MORC1: variants seen among roughly 807,000 people sequenced by gnomAD.
MORC1 encodes MORC family CW-type zinc finger protein 1.
In MORC1, 59 loss-of-function variants were observed where a neutral mutation model predicts 134.9. The observed-to-expected ratio is 0.44, with a 90% confidence interval of 0.35 to 0.54. The LOEUF (loss-of-function observed/expected upper bound fraction) is 0.54. Ranked by LOEUF, MORC1 falls within the 20% of genes least tolerant of loss-of-function variation. The pLI, the probability that MORC1 is intolerant of heterozygous loss-of-function variation, is 0.00. For missense variants in MORC1, 947 were observed against 1,134.5 expected, an observed-to-expected ratio of 0.83 and a Z score of 2.37; for synonymous variants, 395 against 391.7, an observed-to-expected ratio of 1.01 and a Z score of -0.10.
At chr3:108,997,059 A>C (rs1230899398) in intron 21 of MORC1, among the ~76,000 whole-genome samples, 4 of 151,546 alleles carry the variant, frequency 2.6e-5, no homozygotes, top group African/African-American at 9.7e-5. Context: ...AATACCAACA[A>C]AGAATATGAG....
At chr3:108,994,530 A>C (rs752295506) in intron 21 of MORC1, among the ~76,000 whole-genome samples, 4 of 152,318 alleles carry the variant, frequency 2.6e-5, no homozygotes, top group Non-Finnish European at 4.4e-5. Flanking sequence ...TAGTAACTGA[A>C]AGATTATTAT....
At chr3:109,081,711 C>A (rs772730847) in intron 8 of MORC1, among the ~76,000 whole-genome samples, 4 of 152,178 alleles carry the variant, frequency 2.6e-5, no homozygotes, top group Non-Finnish European at 5.9e-5. Context: ...CCTCGGCCTC[C>A]CAAAGTGCTG....
chr3:109,039,116 A>AT (rs1949451122), intron 14 of MORC1, among the ~76,000 whole-genome samples: 1 of 152,078 alleles, frequency 6.6e-6, no homozygotes, highest in Admixed American at 6.6e-5. Context: ...GGACTTCACC[A>AT]TGTTGGCCAG....
rs148987653 is a variant in MORC1, at chr3:109,017,960, A to G, written c.1704+9791T>C. ...ATGAACTGTCTCTGGAAGTAGAAAC[A>G]CTGAAGAATCCTTAAACCAGGAATA... On this transcript the variant is annotated intron_variant, in intron 17 of 27. Coordinates refer to ENST00000232603, the MANE Select transcript of MORC1 (RefSeq NM_014429.4). 9.9e-4 allele frequency among the ~76,000 whole-genome samples: 151 copies of G among 152,346 alleles called. 1 individual carries two copies. The highest frequency in any genetic ancestry group is 2.1e-3 in the Non-Finnish European group (143 of 68,022).
intron 8 of MORC1, among the ~76,000 whole-genome samples, chr3:109,085,617 G>A (rs1950602666): frequency 6.6e-6 from 1 of 151,662 alleles, no homozygotes; most frequent in African/African-American, 2.4e-5. Context: ...AATGGATACT[G>A]GTGAGGATGT....
intron 21 of MORC1, among the ~76,000 whole-genome samples, chr3:108,993,289 C>A (rs1187929392): frequency 3.3e-5 from 5 of 152,132 alleles, no homozygotes; most frequent in Non-Finnish European, 7.4e-5. Context: ...TTAATTGGCT[C>A]GTGGTTGCTG....
chr3:109,083,900 G>A (rs1002966659), intron 8 of MORC1, among the ~76,000 whole-genome samples: 1 of 151,948 alleles, frequency 6.6e-6, no homozygotes, highest in African/African-American at 2.4e-5. Context: ...ACAGAATCAA[G>A]GAGAAAACCC....
At chr3:109,070,469 T>C (rs1029677211) in intron 8 of MORC1, among the ~76,000 whole-genome samples, 3 of 152,184 alleles carry the variant, frequency 2.0e-5, no homozygotes, top group East Asian at 1.9e-4. Context: ...GGAACTTCTA[T>C]ATTAAAGTCC....
In MORC1 at chr3:109,054,886, A is replaced by G. The variant is rs1440951149; in HGVS notation, c.1176-4T>C. On this transcript the variant is annotated splice_region_variant and splice_polypyrimidine_tract_variant and intron_variant, in intron 13 of 27. Transcript: ENST00000232603. ...TCCAACCACGCCTGCGCCAAGTCTG[A>G]GAAAATATATGCATATTTAAATTTT... The G allele has an allele frequency of 1.9e-5, 31 of 1,593,904 alleles. No individual in the cohort carries two copies. The highest frequency in any genetic ancestry group is 2.5e-5 in the Non-Finnish European group (29 of 1,175,214).
intron 14 of MORC1, among the ~76,000 whole-genome samples, chr3:109,042,423 C>T (rs912726940): frequency 6.6e-6 from 1 of 152,158 alleles, no homozygotes; most frequent in African/African-American, 2.4e-5. Context: ...TTACCAAAGA[C>T]ATGAAAGGTA....
At chr3:109,095,625 C>T (rs970862258) in intron 6 of MORC1, among the ~76,000 whole-genome samples, 5 of 152,134 alleles carry the variant, frequency 3.3e-5, no homozygotes, top group African/African-American at 4.8e-5. Context: ...GGAAGACATA[C>T]CAGGCACTGC....
intron 21 of MORC1, among the ~76,000 whole-genome samples, chr3:108,995,565 C>A (rs1055341977): frequency 6.6e-6 from 1 of 152,202 alleles, no homozygotes; most frequent in African/African-American, 2.4e-5. Context: ...GAGTGATAAT[C>A]TTGGACAAGA....
At chr3:109,000,221 G>A (rs1057131852) in intron 21 of MORC1, among the ~76,000 whole-genome samples, 6 of 152,110 alleles carry the variant, frequency 3.9e-5, no homozygotes, top group East Asian at 3.9e-4. Flanking sequence ...CATATTCTTC[G>A]GATTTGGGAA....
chr3:109,100,031 G>A (rs888590778), intron 5 of MORC1, among the ~76,000 whole-genome samples: 5 of 152,082 alleles, frequency 3.3e-5, no homozygotes, highest in African/African-American at 1.2e-4. Context: ...ATTACTTGAG[G>A]TCAGGAGTTC....
intron 8 of MORC1, among the ~76,000 whole-genome samples, chr3:109,085,253 A>G (rs1950595993): frequency 6.6e-6 from 1 of 152,016 alleles, no homozygotes; most frequent in Non-Finnish European, 1.5e-5. Context: ...ACAAAAATAG[A>G]CAAATGGCAT....
intron 14 of MORC1, among the ~76,000 whole-genome samples, chr3:109,044,306 C>T (rs1047862592): frequency 2.0e-5 from 3 of 152,090 alleles, no homozygotes; most frequent in African/African-American, 7.2e-5. Context: ...TACTTGTAAT[C>T]CCAGCACTTT....
At chr3:109,011,367 T>C (rs572608835) in intron 17 of MORC1, among the ~76,000 whole-genome samples, 22 of 152,346 alleles carry the variant, frequency 1.4e-4, no homozygotes, top group Middle Eastern at 3.4e-3. Flanking sequence ...AGTGGTTATC[T>C]CATTGTGGTT....
chr3:109,069,213 T>A (rs1950263445), intron 9 of MORC1, among the ~76,000 whole-genome samples: 1 of 152,084 alleles, frequency 6.6e-6, no homozygotes, highest in African/African-American at 2.4e-5. Flanking sequence ...ACACACAAAA[T>A]ATAAATCAAC....
At chr3:109,068,585 T>TAC (rs1950249305) in intron 9 of MORC1, among the ~76,000 whole-genome samples, 1 of 152,210 alleles carries the variant, frequency 6.6e-6, no homozygotes, top group African/African-American at 2.4e-5. Context: ...TATATATATA[T>TAC]ACCACAGTGT....
Sources: gnomAD v4.1 joint callset for allele counts (sites outside exome capture counted in the v4.1 genomes callset) on GRCh38, gnomAD v4.1.1 for gene constraint, MANE v1.5 for transcripts, NCBI Gene and HGNC (gene_info 2026-07-23, HGNC 2026-07-21) for gene names.